The following SAMD5 variants were observed in gnomAD, a reference collection of about 807,000 sequenced individuals.
SAMD5 encodes sterile alpha motif domain containing 5.
Under a neutral mutation model 11.3 loss-of-function variants are expected in SAMD5, and 13 were observed. That is an observed-to-expected ratio of 1.15 (90% CI 0.75 to 1.83). SAMD5 has a LOEUF of 1.83. Among genes scored for constraint, SAMD5 ranks in the 40% most tolerant of loss-of-function variants. The pLI is 0.00. For synonymous variants in SAMD5, 129 were observed against 111.3 expected, an observed-to-expected ratio of 1.16 and a Z score of -1.00; for missense variants, 255 against 239.1, an observed-to-expected ratio of 1.07 and a Z score of -0.44.
At chr6:147,632,974 C>T (rs559260337) in intron 1 of SAMD5, among the ~76,000 whole-genome samples, 4 of 152,148 alleles carry the variant, frequency 2.6e-5, no homozygotes, top group East Asian at 1.9e-4. Context: ...CCTTATTAAG[C>T]ACCTTTGATG....
Position 147,565,966 on chromosome 6 carries a change from A to T in SAMD5, c.*1510A>T, listed in dbSNP as rs1214790756. On this transcript the variant is annotated 3_prime_UTR_variant, in exon 2 of 2. Coordinates refer to ENST00000367474, the MANE Select transcript of SAMD5 (RefSeq NM_001030060.3). ...GATGTAAGTTCCCATCGGCACCGTC[A>T]TGGTAAGAAGAATAAGAAACTCTCA... The T allele has an allele frequency of 1.0e-6, 1 of 985,246 alleles. No homozygotes were observed. The highest frequency in any genetic ancestry group is 1.2e-6 in the Non-Finnish European group (1 of 829,774). The allele number at this position is 985,246 out of a possible 1,614,324, so 61.0% of individuals were successfully genotyped here. A position where few individuals can be genotyped will look rare whatever the true frequency, so the allele number is the denominator to read the frequency against.
intron 1 of SAMD5, among the ~76,000 whole-genome samples, chr6:147,583,848 G>T (rs80168335): frequency 8.4e-6 from 1 of 118,976 alleles, no homozygotes; most frequent in East Asian, 2.3e-4. Context: ...CACACAAAAT[G>T]GCTATTTACC....
downstream of SAMD5, among the ~76,000 whole-genome samples, chr6:147,572,379 T>G (rs1325278609): frequency 6.6e-6 from 1 of 152,200 alleles, no homozygotes; most frequent in Non-Finnish European, 1.5e-5. Context: ...AAACCATAAA[T>G]GCAAATAAAA....
At chr6:147,800,335 G>A in the SAMD5 span, among the ~76,000 whole-genome samples, 6 of 152,194 alleles carry the variant, frequency 3.9e-5, no homozygotes, top group Non-Finnish European at 5.9e-5. Context: ...GCAGTGTGAG[G>A]TGTCAGTGTG....
At chr6:147,611,877 G>C (rs1789792304) in intron 1 of SAMD5, among the ~76,000 whole-genome samples, 1 of 152,116 alleles carries the variant, frequency 6.6e-6, no homozygotes, top group South Asian at 2.1e-4. Context: ...AGTGTAATCT[G>C]GGAAAAGGAC....
At chr6:147,819,408 A>G in the SAMD5 span, among the ~76,000 whole-genome samples, 16,623 of 152,152 alleles carry the variant, frequency 0.11, 1,159 homozygotes, top group East Asian at 0.35. Context: ...ATTTACCTAT[A>G]TAACAAAGCT....
At chr6:147,940,285 G>C in the SAMD5 span, among the ~76,000 whole-genome samples, 1 of 150,780 alleles carries the variant, frequency 6.6e-6, no homozygotes, top group African/African-American at 2.4e-5. Flanking sequence ...AAGAGAGACA[G>C]AGCCAGCAGG....
intron 1 of SAMD5, among the ~76,000 whole-genome samples, chr6:147,630,894 T>G (rs1403466365): frequency 1.3e-5 from 2 of 152,190 alleles, no homozygotes; most frequent in Non-Finnish European, 2.9e-5. Context: ...AGTGATGGAC[T>G]CGGGAAGACA....
At chr6:147,858,972 A>G in the SAMD5 span, among the ~76,000 whole-genome samples, 4 of 152,194 alleles carry the variant, frequency 2.6e-5, no homozygotes, top group Non-Finnish European at 4.4e-5. Context: ...ATTAGTATGT[A>G]GATATATATT....
chr6:147,883,056 G>A, the SAMD5 span, among the ~76,000 whole-genome samples: 1 of 152,184 alleles, frequency 6.6e-6, no homozygotes, highest in African/African-American at 2.4e-5. Flanking sequence ...AATTGCTTCC[G>A]AGGGAGAAAA....
chr6:147,781,755 G>A, the SAMD5 span, among the ~76,000 whole-genome samples: 3 of 136,854 alleles, frequency 2.2e-5, no homozygotes, highest in African/African-American at 5.4e-5. Context: ...TATATATAAT[G>A]TATATAATTT....
At chr6:147,896,738 C>CAAAAAAAAAAAAAAAAAAAAA in the SAMD5 span, among the ~76,000 whole-genome samples, 1 of 55,320 alleles carries the variant, frequency 1.8e-5, no homozygotes, top group Non-Finnish European at 3.4e-5. Flanking sequence ...GAACATTAAC[C>CAAAAAAAAAAAAAAAAAAAAA]AAAAAAAAAA....
intron 1 of SAMD5, among the ~76,000 whole-genome samples, chr6:147,597,159 T>G (rs542728202): frequency 6.6e-6 from 1 of 152,310 alleles, no homozygotes; most frequent in South Asian, 2.1e-4. Context: ...AATCACCATT[T>G]TCTCAACTGT....
intron 1 of SAMD5, among the ~76,000 whole-genome samples, chr6:147,628,671 A>G (rs1160850970): frequency 6.6e-6 from 1 of 152,164 alleles, no homozygotes; most frequent in Admixed American, 6.5e-5. Context: ...CAAACAAAAG[A>G]TTATGAGGAA....
Position 147,694,030 on chromosome 6 carries a change from C to T in SAMD5, c.163-43287C>T, listed in dbSNP as rs894978288. Among the ~76,000 whole-genome samples the T allele has an allele frequency of 6.6e-5, 10 of 152,020 alleles. No homozygotes were observed. The South Asian group carries it at 1.2e-3, about 19-fold the overall frequency. On this transcript the variant is annotated intron_variant, in intron 1 of 1. Coordinates refer to the SAMD5 transcript ENST00000566741. ...TCACGTGGAGCAGTTCTTTTTATAC[C>T]AGGATGTTGTTTTTGTTGTTTTTAA... is the stretch of plus-strand genomic sequence containing the variant.
chr6:147,877,898 G>GCT, the SAMD5 span, among the ~76,000 whole-genome samples: 2,597 of 45,160 alleles, frequency 0.058, 43 homozygotes, highest in Middle Eastern at 0.075. Flanking sequence ...TAGATAGCTA[G>GCT]ATAGATAGAT....
chr6:147,783,575 T>G, the SAMD5 span, among the ~76,000 whole-genome samples: 1 of 152,022 alleles, frequency 6.6e-6, no homozygotes, highest in Non-Finnish European at 1.5e-5. Context: ...TTTGTTGTAT[T>G]TTTAGTAGAG....
At chr6:147,546,487 G>A (rs904703691) in intron 1 of SAMD5, among the ~76,000 whole-genome samples, 11 of 139,498 alleles carry the variant, frequency 7.9e-5, no homozygotes, top group Admixed American at 2.4e-4. Flanking sequence ...CCAGGGTCGC[G>A]CCACTGCACT....
At chr6:147,680,707 T>G (rs73011954) in intron 1 of SAMD5, among the ~76,000 whole-genome samples, 17,471 of 152,112 alleles carry the variant, frequency 0.11, 1,103 homozygotes, top group Middle Eastern at 0.16. Flanking sequence ...TGCTTAGAGT[T>G]TTTATTAGGA....
Sources: allele counts gnomAD v4.1 joint callset (sites outside exome capture counted in the v4.1 genomes callset), GRCh38; gene constraint gnomAD v4.1.1; transcripts MANE v1.5; gene names NCBI Gene and HGNC (gene_info 2026-07-23, HGNC 2026-07-21).